AOPEP: variants seen among roughly 807,000 people sequenced by gnomAD.
AOPEP encodes the protein aminopeptidase O.
In AOPEP, 77 loss-of-function variants were observed where a neutral mutation model predicts 98.1. The observed-to-expected ratio is 0.78, with a 90% confidence interval of 0.65 to 0.95. The LOEUF is 0.95. Ranked by LOEUF, AOPEP falls within the 40% of genes least tolerant of loss-of-function variation. AOPEP has a pLI of 0.00. For synonymous variants in AOPEP, 346 were observed against 365.3 expected, an observed-to-expected ratio of 0.95 and a Z score of 0.60; for missense variants, 1,024 against 1,024.7, an observed-to-expected ratio of 1.00 and a Z score of 0.01.
At chr9:94,729,516 T>C (rs1830018254) in intron 1 of AOPEP, among the ~76,000 whole-genome samples, 1 of 149,344 alleles carries the variant, frequency 6.7e-6, no homozygotes, top group Non-Finnish European at 1.5e-5. Flanking sequence ...GAGGCTGCAG[T>C]GAGCTGTGGT....
intron 7 of AOPEP, among the ~76,000 whole-genome samples, chr9:94,947,046 G>A (rs1252636387): frequency 1.3e-4 from 18 of 142,740 alleles, no homozygotes; most frequent in Non-Finnish European, 1.5e-4. Flanking sequence ...GCGCGATCTC[G>A]GCTCACTGCA....
the AOPEP span, among the ~76,000 whole-genome samples, chr9:95,102,951 G>A: frequency 5.3e-5 from 8 of 152,340 alleles, no homozygotes; most frequent in East Asian, 1.2e-3. Context: ...CGGGGGCTCC[G>A]GCTGTAGCCC....
chr9:94,924,088 C>T lies in AOPEP; in HGVS notation c.1467C>T (p.Ala489=). 3 of 1,519,966 alleles carry T rather than the reference C, an allele frequency of 2.0e-6. No homozygotes were observed. Among genetic ancestry groups the T allele is most frequent in the Non-Finnish European group, 2.7e-6 (3 of 1,130,838 alleles). 94.2% of individuals were successfully genotyped at this position (1,519,966 alleles called of 1,614,324 possible). The change falls in exon 6 of 17, where the codon GCC becomes GCT. Residue 489 remains alanine, a synonymous_variant. Transcript: ENST00000375315. ...TTGCCCATGCCTGGTTTGGCCTAGCCATCGGGGCCCGAGACTGGACGGAGG... is the reference window on the plus strand; with the variant it reads ...TTGCCCATGCCTGGTTTGGCCTAGCTATCGGGGCCCGAGACTGGACGGAGG... ...HEIAHAWFGL[A]IGARDWTEEW...
chr9:94,729,137 AGTT>A (rs2131618903), intron 1 of AOPEP, among the ~76,000 whole-genome samples: 1 of 152,346 alleles, frequency 6.6e-6, no homozygotes, highest in South Asian at 2.1e-4. Flanking sequence ...TGAGCTTAGT[AGTT>A]TAGAAGTACA....
chr9:94,941,662 T>G (rs2057025418), intron 7 of AOPEP, among the ~76,000 whole-genome samples: 1 of 152,226 alleles, frequency 6.6e-6, no homozygotes, highest in Non-Finnish European at 1.5e-5. Context: ...ATGTCCTGAA[T>G]AATTGAACTC....
chr9:94,803,930 C>A (rs1167216222), intron 5 of AOPEP, among the ~76,000 whole-genome samples: 1 of 152,112 alleles, frequency 6.6e-6, no homozygotes, highest in African/African-American at 2.4e-5. Flanking sequence ...TATCAGGAAC[C>A]GTAAAGTATA....
the AOPEP span, among the ~76,000 whole-genome samples, chr9:95,096,240 G>T: frequency 6.6e-6 from 1 of 152,182 alleles, no homozygotes. Flanking sequence ...ACATGTACAC[G>T]TGATTTACTC....
intron 9 of AOPEP, among the ~76,000 whole-genome samples, chr9:94,961,502 T>C (rs1692142819): frequency 6.6e-6 from 1 of 152,214 alleles, no homozygotes; most frequent in African/African-American, 2.4e-5. Context: ...CTTCATGACC[T>C]GTATTAATCC....
chr9:94,897,477 G>A (rs1158642485), intron 5 of AOPEP, among the ~76,000 whole-genome samples: 1 of 151,994 alleles, frequency 6.6e-6, no homozygotes, highest in Non-Finnish European at 1.5e-5. Flanking sequence ...ACAAACATGA[G>A]TAAATAAATG....
intron 3 of AOPEP, among the ~76,000 whole-genome samples, chr9:94,792,131 A>G (rs1198757481): frequency 6.6e-6 from 1 of 152,170 alleles, no homozygotes. Flanking sequence ...GGCTCCGTTA[A>G]ACCTCTACAC....
At chr9:95,133,022 G>A in the AOPEP span, among the ~76,000 whole-genome samples, 1 of 152,360 alleles carries the variant, frequency 6.6e-6, no homozygotes, top group South Asian at 2.1e-4. Flanking sequence ...TTCCTCTGGA[G>A]CACAGCGCAG....
chr9:95,090,051 A>G (rs935217153), downstream of AOPEP, among the ~76,000 whole-genome samples: 1 of 152,070 alleles, frequency 6.6e-6, no homozygotes, highest in Non-Finnish European at 1.5e-5. Flanking sequence ...GGGATGGGGG[A>G]GCCCCATGGC....
chr9:94,881,153 C>CT (rs2047539009), intron 5 of AOPEP, among the ~76,000 whole-genome samples: 1 of 152,080 alleles, frequency 6.6e-6, no homozygotes, highest in Non-Finnish European at 1.5e-5. Flanking sequence ...ATTTAATAGA[C>CT]TTTCCACAGC....
intron 5 of AOPEP, among the ~76,000 whole-genome samples, chr9:94,843,448 G>T (rs2042509615): frequency 6.6e-6 from 1 of 152,166 alleles, no homozygotes; most frequent in Non-Finnish European, 1.5e-5. Flanking sequence ...GTCTGTGTCA[G>T]TGTCTCTGAG....
chr9:94,804,311 C>T (rs1564165932), intron 5 of AOPEP, among the ~76,000 whole-genome samples: 1 of 152,206 alleles, frequency 6.6e-6, no homozygotes, highest in Non-Finnish European at 1.5e-5. Flanking sequence ...TTCACAATTA[C>T]ATGTCATGGC....
chr9:94,893,584 T>C (rs1324239594), intron 5 of AOPEP, among the ~76,000 whole-genome samples: 2 of 152,330 alleles, frequency 1.3e-5, no homozygotes, highest in African/African-American at 2.4e-5. Flanking sequence ...ATAAAACTAA[T>C]GATTTAGTAG....
At chr9:95,006,072 G>T (rs2061993518) in intron 13 of AOPEP, 1 of 471,836 alleles carries the variant, frequency 2.1e-6, no homozygotes, top group Non-Finnish European at 4.4e-6. Flanking sequence ...AACACTAGGA[G>T]GAATTTTATT....
intron 2 of AOPEP, 49 bp downstream of exon 2, chr9:94,760,629 C>T (rs1247133733): frequency 7.0e-7 from 1 of 1,426,658 alleles, no homozygotes; most frequent in African/African-American, 1.4e-5. Context: ...ATCTTGTACG[C>T]TGCGGGGATG....
At chr9:94,730,098 C>T (rs944610787) in intron 1 of AOPEP, among the ~76,000 whole-genome samples, 11 of 152,084 alleles carry the variant, frequency 7.2e-5, no homozygotes, top group East Asian at 3.9e-4. Flanking sequence ...TCCTGGCTAA[C>T]GCAGTGAAAC....
Sources: gnomAD v4.1 joint callset for allele counts (sites outside exome capture counted in the v4.1 genomes callset) on GRCh38, gnomAD v4.1.1 for gene constraint, MANE v1.5 for transcripts, NCBI Gene and HGNC (gene_info 2026-07-23, HGNC 2026-07-21) for gene names.